The following SBF1 variants were observed in gnomAD, a reference collection of about 807,000 sequenced individuals.
SBF1 encodes the protein SET binding factor 1.
SBF1 carries 65 observed loss-of-function variants against 215.8 expected under a neutral mutation model. That is an observed-to-expected ratio of 0.30 (90% CI 0.25 to 0.37). The LOEUF is 0.37. Ranked by LOEUF, SBF1 falls within the 10% of genes least tolerant of loss-of-function variation. The probability of loss-of-function intolerance (pLI) is 1.00; values close to 1 mark genes in which losing one functional copy is unlikely to be tolerated. For missense variants in SBF1, 2,634 were observed against 2,667.8 expected (o/e 0.99, Z 0.28); for synonymous variants, 1,410 against 1,122.8 (o/e 1.26, Z -5.11).
intron 2 of SBF1, 134 bp from the exon 3 acceptor site, chr22:50,468,057 G>A (rs1273035883): frequency 8.7e-7 from 1 of 1,154,816 alleles, no homozygotes; most frequent in Non-Finnish European, 1.2e-6. Flanking sequence ...GAGACCCTGG[G>A]GACACGTGGC....
chr22:50,456,779 G>A (rs2067270556), intron 29 of SBF1, 106 bp from the exon 30 acceptor site: 5 of 1,077,616 alleles, frequency 4.6e-6, no homozygotes, highest in Admixed American at 3.1e-5. Context: ...CCAGGGCAGG[G>A]GTGGTTGGCA....
chr22:50,471,886 G>A (rs1186689524), intron 1 of SBF1, among the ~76,000 whole-genome samples: 2 of 152,214 alleles, frequency 1.3e-5, no homozygotes, highest in African/African-American at 2.4e-5. Flanking sequence ...GAGGAGAGGC[G>A]AGGCCATAGG....
intron 1 of SBF1, among the ~76,000 whole-genome samples, chr22:50,470,395 G>C (rs1333163651): frequency 1.3e-5 from 2 of 152,108 alleles, no homozygotes; most frequent in Non-Finnish European, 2.9e-5. Flanking sequence ...CTAGTCTTGT[G>C]AAGCATCAAC....
In SBF1 at chr22:50,456,499, T is replaced by C; in HGVS notation, c.4079A>G (p.Gln1360Arg). ...CCCCCGCACCCCAGTCACCTTGAGC[T>C]GGGCTTTGTCCCCAAGGATATAGAG... ...AALYILGDKA[Q>R]LKGVRSDPLQ... Residue 1360 changes from glutamine (Q) to arginine (R), a missense_variant, in exon 30 of 41, where the codon CAG becomes CGG. Coordinates refer to ENST00000380817, the MANE Select transcript of SBF1 (RefSeq NM_002972.4). 1 of 1,300,838 alleles carries C rather than the reference T, an allele frequency of 7.7e-7. No homozygotes were observed. The highest frequency in any genetic ancestry group is 1.0e-6 in the Non-Finnish European group (1 of 978,868). The allele number at this position is 1,300,838 out of a possible 1,614,324, so 80.6% of individuals were successfully genotyped here.
In SBF1 at chr22:50,454,688, C is replaced by T. The variant is rs771649010; in HGVS notation, c.4867G>A (p.Glu1623Lys). 3.2e-6 allele frequency: 5 copies of T among 1,573,634 alleles called. No individual in the cohort carries two copies. In the Middle Eastern group the frequency reaches 5.5e-4, roughly 172 times the overall value. ...SNLKVWDFYT[E>K]ETLAEGPPYD... ...GGAGGGCCCTCGGCCAGCGTCTCCT[C>T]AGTGTAGAAGTCCCACACCTTCAGG... Residue 1623 changes from glutamate (E) to lysine (K), a missense_variant, in exon 36 of 41, where the codon GAG becomes AAG. Glu to Lys is a moderately conservative substitution (Grantham distance 56). Coordinates refer to ENST00000380817, the MANE Select transcript of SBF1 (RefSeq NM_002972.4).
intron 2 of SBF1, 63 bp from the exon 3 acceptor site, chr22:50,467,986 G>A (rs572210370): frequency 2.1e-5 from 34 of 1,582,842 alleles, no homozygotes; most frequent in Middle Eastern, 1.7e-4. Flanking sequence ...CAGCCCACCC[G>A]CCCCAGCATC....
rs762787190 is a variant in SBF1 at position 50,446,787 on chromosome 22, G to T, written c.*355C>A. 1 of 589,774 alleles carries T rather than the reference G, an allele frequency of 1.7e-6. No individual in the cohort carries two copies. The highest frequency in any genetic ancestry group is 3.9e-5 in the East Asian group (1 of 25,964). 36.5% of individuals were successfully genotyped at this position (589,774 alleles called of 1,614,324 possible). A position where few individuals can be genotyped will look rare whatever the true frequency, so the allele number is the denominator to read the frequency against. ...CGAGAGCAGGCAGCCGGGGAGTGGG[G>T]AAGGCAGGCACAGGAGCGTGGCGTT... On this transcript the variant is annotated 3_prime_UTR_variant, in exon 41 of 41. Transcript: ENST00000380817.
Position 50,456,707 on chromosome 22 carries a change from G to C in SBF1, c.3905-34C>G, listed in dbSNP as rs1366977238. ...GAGATGCCAGGTAAGCACCCAAAGG[G>C]GGCCAGGGCACCACTTACCTGGGGC... is the stretch of plus-strand genomic sequence containing the variant. On this transcript the variant is annotated intron_variant, in intron 29 of 40. Coordinates refer to ENST00000380817, the MANE Select transcript of SBF1 (RefSeq NM_002972.4). The C allele has an allele frequency of 1.2e-5, 17 of 1,440,906 alleles. No homozygotes were observed. In the South Asian group the frequency reaches 2.2e-4, roughly 19 times the overall value. The allele number at this position is 1,440,906 out of a possible 1,614,324, so 89.3% of individuals were successfully genotyped here.
In SBF1 at chr22:50,468,363, GC is replaced by G. The variant is rs552527272; in HGVS notation, c.141+12del. The stretch of plus-strand genomic sequence containing the variant: ...CCACCTGCCAGCACCGTCTCAGCAC[GC>G]CCCCAACTCACCAGCTCGATGCCCT... On this transcript the variant is annotated intron_variant, in intron 2 of 40. Transcript: ENST00000380817. 2 of 1,610,612 alleles carry G rather than the reference GC, an allele frequency of 1.2e-6. No homozygotes were observed. The highest frequency in any genetic ancestry group is 4.5e-5 in the East Asian group (2 of 44,762).
rs750567832 is a variant in SBF1, at chr22:50,467,496, C to CTCG, written c.438+33_438+35dup. 4 of 1,613,746 alleles carry CTCG rather than the reference C, an allele frequency of 2.5e-6. No homozygotes were observed. The South Asian group carries it at 4.4e-5, about 18-fold the overall frequency. On this transcript the variant is annotated intron_variant, in intron 4 of 40. Transcript: ENST00000380817. The stretch of plus-strand genomic sequence containing the variant: ...TGGTGGGACAGCCGATGGAAGCACC[C>CTCG]TCGTCGTGCCTCGCCGCCCCGGCTG...
At chr22:50,474,661 G>T in intron 1 of SBF1, 125 bp downstream of exon 1, 1 of 599,306 alleles carries the variant, frequency 1.7e-6, no homozygotes, top group Non-Finnish European at 2.4e-6. Context: ...CTCAGTCCTC[G>T]GCCTCCCGAC....
At position 50,474,965 on chromosome 22, in the gene SBF1, CGCGGCGGCG is replaced by C. The variant is rs71198252; in HGVS notation, c.-134_-126del. 15,498 of 276,662 alleles carry C rather than the reference CGCGGCGGCG, an allele frequency of 0.056. 1,984 individuals carry two copies. The highest frequency in any genetic ancestry group is 0.29 in the African/African-American group (12,373 of 42,884). 17.1% of individuals were successfully genotyped at this position (276,662 alleles called of 1,614,324 possible). On this transcript the variant is annotated 5_prime_UTR_variant, in exon 1 of 41. Transcript: ENST00000380817. ...CACCCCGGACACCCCTGGTTCGCTC[CGCGGCGGCG>C]GCGGCGGCGGCGGCGGCGGCCCAGG...
Position 50,465,236 on chromosome 22 carries a change from C to T in SBF1, c.1182G>A (p.Glu394=), listed in dbSNP as rs372226564. Residue 394 remains glutamate (E), a synonymous_variant, in exon 11 of 41, where the codon GAG becomes GAA. Transcript: ENST00000380817. ...WCLHVVRIHP[E]PVIRFHKAAF... The stretch of plus-strand genomic sequence containing the variant: ...CCACCTTATGGAAGCGGATGACAGG[C>T]TCCGGGTGGATGCGCACGACGTGCA... 6.2e-6 allele frequency: 10 copies of T among 1,612,594 alleles called. No homozygotes were observed. Among genetic ancestry groups the T allele is most frequent in the Middle Eastern group, 1.7e-4 (1 of 6,060 alleles).
Position 50,463,304 on chromosome 22 carries a change from A to G in SBF1, c.1878T>C (p.Arg626=), listed in dbSNP as rs2148593205. ...TCACCTGCAGGCAGCAGTTCATCAT[A>G]CGGACGACAAAGTCAAACTGCTGGT... is the stretch of plus-strand genomic sequence containing the variant. The part of the protein sequence containing the change: ...LDHQQFDFVV[R]MMNCCLQDCT... The change falls in exon 16 of 41, where the codon CGT becomes CGC. Residue 626 remains arginine, a synonymous_variant. Transcript: ENST00000380817. 6.2e-7 allele frequency: 1 copy of G among 1,613,554 alleles called. No individual in the cohort carries two copies. Among genetic ancestry groups the G allele is most frequent in the Non-Finnish European group, 8.5e-7 (1 of 1,179,862 alleles).
At chr22:50,448,174 TGGGACCCCA>T in intron 38 of SBF1, 50 bp downstream of exon 38, 1 of 1,544,430 alleles carries the variant, frequency 6.5e-7, no homozygotes, top group Non-Finnish European at 8.9e-7. Flanking sequence ...GAGGACTGCC[TGGGACCCCA>T]GAACACCAGC....
Position 50,459,383 on chromosome 22 carries a change from T to G in SBF1, c.3698A>C (p.Gln1233Pro). The G allele has an allele frequency of 1.9e-6, 3 of 1,612,096 alleles. No homozygotes were observed. Among genetic ancestry groups the G allele is most frequent in the Non-Finnish European group, 2.5e-6 (3 of 1,179,192 alleles). Reference protein sequence around the residue: ...AQNAPSPGQSQADSSSLEQEK... With the variant: ...AQNAPSPGQSPADSSSLEQEK... ...CTGCTCCAGGCTACTCGAGTCCGCC[T>G]GGGACTGGCCTGGGGGAGGACACGG... Residue 1233 changes from glutamine to proline, a missense_variant, in exon 28 of 41, where the codon CAG becomes CCG. By Grantham distance (76) the Gln-to-Pro change is moderately conservative (BLOSUM62 -1). Transcript: ENST00000380817.
At position 50,464,382 on chromosome 22, in the gene SBF1, C is replaced by A. The variant is rs374194474; in HGVS notation, c.1696G>T (p.Val566Leu). The change falls in exon 15 of 41, where the codon GTG (valine) becomes TTG (leucine). Residue 566 changes from valine to leucine, a missense_variant. Physicochemically the swap from Val to Leu is conservative, Grantham distance 32. Coordinates refer to ENST00000380817, the MANE Select transcript of SBF1 (RefSeq NM_002972.4). ...AACACGTAGGAGATGCAGTTGCGCACAACCTCCAGCCGCCGGGCGCTGTTG... is the reference window on the plus strand; with the variant it reads ...AACACGTAGGAGATGCAGTTGCGCAAAACCTCCAGCCGCCGGGCGCTGTTG... ...HVNSARRLEVVRNCISYVFEG... is the reference protein window; with the variant it reads ...HVNSARRLEVLRNCISYVFEG... 166 of 1,614,028 alleles carry A rather than the reference C, an allele frequency of 1.0e-4. No homozygotes were observed. The highest frequency in any genetic ancestry group is 1.3e-4 in the Non-Finnish European group (152 of 1,180,040).
chr22:50,459,522 C>T lies in SBF1; in HGVS notation c.3636G>A (p.Leu1212=), dbSNP rs1161840692. The change falls in exon 27 of 41, where the codon CTG becomes CTA. Residue 1212 remains leucine, a synonymous_variant. Coordinates refer to ENST00000380817, the MANE Select transcript of SBF1 (RefSeq NM_002972.4). ...SKAVLLRSGG[L]HGKGVVGLFK... ...AGAGGCCGACGACACCTTTGCCATG[C>T]AGGCCTCCAGAGCGCAGCAGCACCG... The T allele has an allele frequency of 6.2e-7, 1 of 1,610,256 alleles. No individual in the cohort carries two copies. Among genetic ancestry groups the T allele is most frequent in the Non-Finnish European group, 8.5e-7 (1 of 1,179,788 alleles).
chr22:50,446,981 G>A lies in SBF1; in HGVS notation c.*161C>T. 3 of 726,754 alleles carry A rather than the reference G, an allele frequency of 4.1e-6. 1 individual carries two copies. Among genetic ancestry groups the A allele is most frequent in the Non-Finnish European group, 7.2e-6 (3 of 415,294 alleles). The allele number at this position is 726,754 out of a possible 1,614,324, so 45.0% of individuals were successfully genotyped here. On this transcript the variant is annotated 3_prime_UTR_variant, in exon 41 of 41. Coordinates refer to ENST00000380817, the MANE Select transcript of SBF1 (RefSeq NM_002972.4). ...CGCCAAAATAAGTTAGGGCCGGCCG[G>A]GCGGGGCGGGGCGGGGACGGGGGCT...
Sources: allele counts gnomAD v4.1 joint callset (sites outside exome capture counted in the v4.1 genomes callset), GRCh38; gene constraint gnomAD v4.1.1; transcripts MANE v1.5; gene names NCBI Gene and HGNC (gene_info 2026-07-23, HGNC 2026-07-21).